The following SNED1 variants were observed in gnomAD, a reference collection of about 807,000 sequenced individuals.
SNED1 encodes the protein sushi, nidogen and EGF like domains 1, also known as sushi, nidogen and EGF-like domain-containing protein 1.
Under a neutral mutation model 166.7 loss-of-function variants are expected in SNED1, and 81 were observed. That is an observed-to-expected ratio of 0.49 (90% CI 0.41 to 0.58). SNED1 has a LOEUF of 0.58. Among genes scored for constraint, SNED1 ranks in the 20% least tolerant of loss-of-function variants. The pLI, the probability that SNED1 is intolerant of heterozygous loss-of-function variation, is 0.00. For synonymous variants in SNED1, 762 were observed against 822.0 expected, an observed-to-expected ratio of 0.93 and a Z score of 1.25; for missense variants, 1,604 against 2,000.2, an observed-to-expected ratio of 0.80 and a Z score of 3.78.
At chr2:241,090,213 TG>T (rs1464069991) in intron 31 of SNED1, 1 of 1,478,860 alleles carries the variant, frequency 6.8e-7, no homozygotes, top group African/African-American at 1.4e-5. Flanking sequence ...AATTTTTAAT[TG>T]TTTTTTACTA....
Position 241,036,742 on chromosome 2 carries a change from G to A in SNED1, c.806-48G>A, listed in dbSNP as rs767598624. On this transcript the variant is annotated intron_variant, in intron 4 of 31. Transcript: ENST00000310397. ...TGCGGATGGGAGTGGCTCTCCTGCC[G>A]AGTCCGGAGGCAGCGGCTGAGGCTC... 44 of 1,598,890 alleles carry A rather than the reference G, an allele frequency of 2.8e-5. No individual in the cohort carries two copies. In the African/African-American group the frequency reaches 4.9e-4, roughly 18 times the overall value.
intron 8 of SNED1, among the ~76,000 whole-genome samples, chr2:241,047,212 A>T (rs1278129020): frequency 1.3e-5 from 2 of 151,778 alleles, no homozygotes; most frequent in Non-Finnish European, 2.9e-5. Context: ...CAGTGGCTAT[A>T]TTAATATCGA....
rs2060511333 is a variant in SNED1, at chr2:241,014,407, G to A, written c.213+15357G>A. On this transcript the variant is annotated intron_variant, in intron 1 of 31. Transcript: ENST00000310397. The stretch of plus-strand genomic sequence containing the variant: ...CAGGAGTGGGATTTCTGAGCCGTGG[G>A]ATGTGCTGTGTGTGGATGCTGCCCA... Among the ~76,000 whole-genome samples the A allele has an allele frequency of 2.6e-5, 4 of 152,202 alleles. No individual in the cohort carries two copies. The South Asian group carries it at 8.3e-4, about 32-fold the overall frequency.
intron 2 of SNED1, 194 bp from the exon 3 acceptor site, chr2:241,033,541 G>A (rs2061251981): frequency 1.7e-6 from 1 of 592,872 alleles, no homozygotes; most frequent in South Asian, 2.2e-5. Flanking sequence ...TCTGCTGAGT[G>A]GCAGGCGCTG....
At position 241,067,769 on chromosome 2, in the gene SNED1, C is replaced by T. The variant is rs539832902; in HGVS notation, c.3016C>T (p.Arg1006Cys). The part of the protein sequence containing the change: ...PAVLLARTRP[R>C]PVEGFEVTNV... ...GAACAGTCCATTCCCCCTAGGACCCCGCCCTGTGGAAGGCTTCGAGGTCAC... is the reference window on the plus strand; with the variant it reads ...GAACAGTCCATTCCCCCTAGGACCCTGCCCTGTGGAAGGCTTCGAGGTCAC... Residue 1006 changes from arginine to cysteine, a missense_variant, in exon 22 of 32, where the codon CGC (arginine) becomes TGC (cysteine). Arg to Cys is a radical substitution (Grantham distance 180). This residue lies in a region of SNED1 where 1,237 missense variants were observed against 1,620.8 expected (regional missense o/e 0.76). Coordinates refer to ENST00000310397, the MANE Select transcript of SNED1 (RefSeq NM_001080437.3). 20 of 1,606,344 alleles carry T rather than the reference C, an allele frequency of 1.2e-5. No homozygotes were observed. In the East Asian group the frequency reaches 1.3e-4, roughly 11 times the overall value.
intron 27 of SNED1, among the ~76,000 whole-genome samples, chr2:241,078,378 G>A (rs1411555964): frequency 1.7e-4 from 15 of 88,510 alleles, no homozygotes; most frequent in Admixed American, 3.6e-4. Context: ...ACTAGACTCC[G>A]TCTCAAAAAA....
intron 1 of SNED1, among the ~76,000 whole-genome samples, chr2:241,008,024 G>A (rs957433238): frequency 6.6e-5 from 10 of 152,254 alleles, no homozygotes; most frequent in African/African-American, 2.4e-4. Context: ...AAGGGCATTC[G>A]CAGTTACACC....
In SNED1 at chr2:241,071,575, GC is replaced by G; in HGVS notation, c.3594del (p.Arg1199GlyfsTer58). 2 of 1,582,856 alleles carry G rather than the reference GC, an allele frequency of 1.3e-6. No individual in the cohort carries two copies. The highest frequency in any genetic ancestry group is 8.5e-7 in the Non-Finnish European group (1 of 1,172,058). On this transcript the variant is annotated frameshift_variant and splice_region_variant, in exon 25 of 32. Coordinates refer to ENST00000310397, the MANE Select transcript of SNED1 (RefSeq NM_001080437.3). LOFTEE classifies it high-confidence loss of function. The part of the protein sequence containing the change: ...SEPAHLYIIT[S>X]PRDGADRRWH... ...GCCCCTTCCTCCTGCCTGCTCTGCA[GC>G]CCCCAGGGATGGCGCTGACAGACGC...
Position 241,034,671 on chromosome 2 carries a change from G to GGC in SNED1, c.749_750dup (p.Trp251AlafsTer63). On this transcript the variant is annotated frameshift_variant, in exon 4 of 32. Transcript: ENST00000310397. LOFTEE classifies it high-confidence loss of function. ...ACCACCACCAACGTGGGTGTGCCCG[G>GGC]GCGCTGGGCGTTCAGAATCGATGAT... The GGC allele has an allele frequency of 6.2e-7, 1 of 1,607,684 alleles. No homozygotes were observed. Among genetic ancestry groups the GGC allele is most frequent in the Non-Finnish European group, 8.5e-7 (1 of 1,177,652 alleles).
At position 241,064,662 on chromosome 2, in the gene SNED1, G is replaced by A. The variant is rs1033171027; in HGVS notation, c.2600-182G>A. 4.6e-5 allele frequency among the ~76,000 whole-genome samples: 7 copies of A among 152,184 alleles called. No homozygotes were observed. In the South Asian group the frequency reaches 1.4e-3, roughly 31 times the overall value. Reference sequence around the variant, plus strand: ...CTCCGCTGTGGAGGGTGGAGGAGCTGCTGGGTTGGGCCCCGCAGGGCAGTG... The same window carrying A: ...CTCCGCTGTGGAGGGTGGAGGAGCTACTGGGTTGGGCCCCGCAGGGCAGTG... On this transcript the variant is annotated intron_variant, in intron 19 of 31. Coordinates refer to ENST00000310397, the MANE Select transcript of SNED1 (RefSeq NM_001080437.3). This position sits in a 1 kb window ranked among gnomAD's most constrained non-coding sequence, Gnocchi z 7.0.
intron 24 of SNED1, 123 bp from the exon 25 acceptor site, chr2:241,071,453 C>T: frequency 8.5e-7 from 1 of 1,176,968 alleles, no homozygotes; most frequent in Non-Finnish European, 1.2e-6. Context: ...ACGGCCCACG[C>T]ACATGCCCCC....
intron 27 of SNED1, among the ~76,000 whole-genome samples, chr2:241,080,860 G>C (rs940847895): frequency 6.6e-6 from 1 of 152,256 alleles, no homozygotes; most frequent in Admixed American, 6.5e-5. Flanking sequence ...GACCAGTCCA[G>C]GGTGACCACG....
intron 1 of SNED1, among the ~76,000 whole-genome samples, chr2:241,028,703 T>C (rs999499421): frequency 2.6e-5 from 4 of 152,256 alleles, no homozygotes; most frequent in Admixed American, 2.6e-4. Context: ...AGTTTTGAAA[T>C]CTGGAAGTGT....
chr2:241,016,244 G>C (rs1442738901), intron 1 of SNED1, among the ~76,000 whole-genome samples: 1 of 144,362 alleles, frequency 6.9e-6, no homozygotes, highest in Non-Finnish European at 1.5e-5. Flanking sequence ...GCCCAGGCTG[G>C]AGTGCAGTGG....
chr2:241,083,008 A>G (rs2063403227), intron 29 of SNED1, among the ~76,000 whole-genome samples: 1 of 152,132 alleles, frequency 6.6e-6, no homozygotes, highest in African/African-American at 2.4e-5. Context: ...ATCAGAACAG[A>G]GCAGACCAAA....
At chr2:241,087,795 G>A (rs753859472) in intron 30 of SNED1, 7 of 831,286 alleles carry the variant, frequency 8.4e-6, no homozygotes, top group Admixed American at 3.9e-5. Context: ...TTTAATGGCC[G>A]ATATAGCGCG....
chr2:241,073,605 T>C lies in SNED1; in HGVS notation c.3916+241T>C, dbSNP rs996625337. The stretch of plus-strand genomic sequence containing the variant: ...CAGGACCCACCCAAACCACCCAGAG[T>C]CTGAGCTAGAGAGACTGGCTTTGAT... On this transcript the variant is annotated intron_variant, in intron 27 of 31. Coordinates refer to ENST00000310397, the MANE Select transcript of SNED1 (RefSeq NM_001080437.3). This position sits in a 1 kb window ranked among gnomAD's most constrained non-coding sequence, Gnocchi z 6.6. 5 of 583,334 alleles carry C rather than the reference T, an allele frequency of 8.6e-6. No homozygotes were observed. The highest frequency in any genetic ancestry group is 1.5e-5 in the Non-Finnish European group (5 of 325,614). The allele number at this position is 583,334 out of a possible 1,614,324, so 36.1% of individuals were successfully genotyped here.
At chr2:241,049,689 A>G in intron 11 of SNED1, 128 bp from the exon 12 acceptor site, 1 of 667,522 alleles carries the variant, frequency 1.5e-6, no homozygotes, top group South Asian at 1.7e-5. Context: ...CACAGAGTGT[A>G]TTTTCAGTGG....
At position 241,081,457 on chromosome 2, in the gene SNED1, G is replaced by C. The variant is rs187686984; in HGVS notation, c.3917-220G>C. On this transcript the variant is annotated intron_variant, in intron 27 of 31. Transcript: ENST00000310397. Reference sequence around the variant, plus strand: ...TCCTTCCAGTAATGAGGTCAGGGCCGAGCACACTGCGGCCTGTCTCCTCAC... The same window carrying C: ...TCCTTCCAGTAATGAGGTCAGGGCCCAGCACACTGCGGCCTGTCTCCTCAC... Among the ~76,000 whole-genome samples the C allele has an allele frequency of 1.4e-3, 207 of 152,238 alleles. 1 individual carries two copies. Among genetic ancestry groups the C allele is most frequent in the African/African-American group, 4.5e-3 (185 of 41,552 alleles).
Sources: allele counts gnomAD v4.1 joint callset (sites outside exome capture counted in the v4.1 genomes callset), GRCh38; gene constraint gnomAD v4.1.1; regional missense constraint gnomAD v4.1.1; non-coding constraint Gnocchi (gnomAD v3.1); transcripts MANE v1.5; gene names NCBI Gene and HGNC (gene_info 2026-07-23, HGNC 2026-07-21).